PPM1H: variants seen among roughly 807,000 people sequenced by gnomAD.
PPM1H encodes the protein protein phosphatase, Mg2+/Mn2+ dependent 1H.
Under a neutral mutation model 54.9 loss-of-function variants are expected in PPM1H, and 27 were observed. That is an observed-to-expected ratio of 0.49 (90% confidence interval 0.36 to 0.68). The LOEUF (loss-of-function observed/expected upper bound fraction) is 0.68, where lower values mean the gene tolerates loss of function less well. PPM1H is among the 30% of genes least tolerant of loss of function. PPM1H has a pLI of 0.00. For missense variants in PPM1H, 596 were observed against 667.8 expected (o/e 0.89, Z 1.19); for synonymous variants, 305 against 270.8 (o/e 1.13, Z -1.24).
At chr12:62,689,236 TG>T (rs1388307517) in intron 8 of PPM1H, among the ~76,000 whole-genome samples, 1 of 152,166 alleles carries the variant, frequency 6.6e-6, no homozygotes, top group African/African-American at 2.4e-5. Context: ...TAAGCAAATA[TG>T]GGAAACCTAA....
chr12:62,708,955 C>T (rs78766847), intron 6 of PPM1H, among the ~76,000 whole-genome samples: 1,524 of 152,160 alleles, frequency 0.01, 17 homozygotes, highest in Non-Finnish European at 0.015. Context: ...AATTTTCATA[C>T]GTCATATTCC....
chr12:62,799,107 T>C (rs2076751604), intron 3 of PPM1H, among the ~76,000 whole-genome samples: 1 of 152,206 alleles, frequency 6.6e-6, no homozygotes, highest in Non-Finnish European at 1.5e-5. Context: ...AAGCAAACAA[T>C]TGTTGTTTTT....
chr12:62,783,935 A>G (rs956470449), intron 4 of PPM1H, among the ~76,000 whole-genome samples: 3 of 152,254 alleles, frequency 2.0e-5, no homozygotes, highest in Non-Finnish European at 4.4e-5. Context: ...TAAACTGAAG[A>G]ATCAGTCAGA....
At chr12:62,717,400 T>C (rs2076241056) in intron 6 of PPM1H, among the ~76,000 whole-genome samples, 1 of 151,524 alleles carries the variant, frequency 6.6e-6, no homozygotes, top group African/African-American at 2.4e-5. Flanking sequence ...TTCTATACAA[T>C]TAAAAATAGC....
intron 1 of PPM1H, among the ~76,000 whole-genome samples, chr12:62,884,280 A>G (rs1267352102): frequency 6.6e-6 from 1 of 151,866 alleles, no homozygotes; most frequent in Admixed American, 6.6e-5. Flanking sequence ...TGAGGTCAAG[A>G]GTTCGAGACC....
chr12:62,870,262 C>A (rs947122445), intron 1 of PPM1H, among the ~76,000 whole-genome samples: 1 of 152,086 alleles, frequency 6.6e-6, no homozygotes, highest in Non-Finnish European at 1.5e-5. Context: ...TCGAATTTGA[C>A]GAAATTGTGC....
chr12:62,702,008 A>G (rs1232874629), intron 6 of PPM1H, among the ~76,000 whole-genome samples: 1 of 152,234 alleles, frequency 6.6e-6, no homozygotes, highest in African/African-American at 2.4e-5. Context: ...CACAAGCTAA[A>G]TGGATGAATG....
intron 4 of PPM1H, chr12:62,756,090 G>T: frequency 3.0e-6 from 3 of 991,588 alleles, no homozygotes; most frequent in Non-Finnish European, 4.8e-6. Context: ...TTTTAACAGC[G>T]ACATCCACTC....
At chr12:62,886,476 A>G (rs1870593582) in intron 1 of PPM1H, among the ~76,000 whole-genome samples, 1 of 152,238 alleles carries the variant, frequency 6.6e-6, no homozygotes, top group African/African-American at 2.4e-5. Context: ...AATAAACAGC[A>G]GAAACTGAAC....
At chr12:62,920,485 G>GT (rs35100515) in intron 1 of PPM1H, among the ~76,000 whole-genome samples, 10,668 of 136,606 alleles carry the variant, frequency 0.078, 873 homozygotes, top group East Asian at 0.24. Context: ...CCTGAATGAG[G>GT]TTTTTTTTTT....
intron 2 of PPM1H, among the ~76,000 whole-genome samples, chr12:62,807,907 G>A (rs1025490880): frequency 2.0e-5 from 3 of 152,172 alleles, no homozygotes; most frequent in Non-Finnish European, 4.4e-5. Context: ...GCACAACCAC[G>A]ACTTACTGAA....
At chr12:62,890,614 C>A (rs1870750038) in intron 1 of PPM1H, among the ~76,000 whole-genome samples, 1 of 151,736 alleles carries the variant, frequency 6.6e-6, no homozygotes, top group African/African-American at 2.4e-5. Context: ...CAGCTATTAG[C>A]AACTGAAAAA....
chr12:62,811,480 C>T (rs1270557049), intron 2 of PPM1H, among the ~76,000 whole-genome samples: 2 of 152,186 alleles, frequency 1.3e-5, no homozygotes, highest in South Asian at 2.1e-4. Context: ...CCTGTTGCTT[C>T]TGTTCACCTT....
intron 4 of PPM1H, 110 bp downstream of exon 4, chr12:62,788,116 G>A (rs2076683379): frequency 1.3e-6 from 1 of 752,634 alleles, no homozygotes; most frequent in African/African-American, 1.8e-5. Context: ...TTTTCATTCT[G>A]ATGTAGAAGG....
At chr12:62,870,092 A>C (rs1014976528) in intron 1 of PPM1H, among the ~76,000 whole-genome samples, 19 of 152,194 alleles carry the variant, frequency 1.2e-4, no homozygotes, top group African/African-American at 4.1e-4. Context: ...CAAAAGCAGA[A>C]GGGAGGGTAG....
Position 62,720,272 on chromosome 12 carries a change from G to A in PPM1H, c.972C>T (p.His324=), listed in dbSNP as rs780309179. 1.2e-6 allele frequency: 2 copies of A among 1,612,786 alleles called. No individual in the cohort carries two copies. Among genetic ancestry groups the A allele is most frequent in the South Asian group, 1.1e-5 (1 of 91,050 alleles). The change falls in exon 6 of 10, where the codon CAC becomes CAT. Residue 324 remains histidine (H), a synonymous_variant. Transcript: ENST00000228705. ...RLQYLAFMQP[H]LLGNEFTHLE... ...AATGTGTGAACTCATTTCCCAGCAA[G>A]TGAGGCTGCATGAATGCCTAATAGC...
At chr12:62,865,703 G>T (rs1869750800) in intron 1 of PPM1H, among the ~76,000 whole-genome samples, 2 of 151,958 alleles carry the variant, frequency 1.3e-5, no homozygotes, top group South Asian at 2.1e-4. Context: ...TTGCCATGTT[G>T]CCCAGGCTGG....
chr12:62,900,242 C>G (rs541550053), intron 1 of PPM1H, among the ~76,000 whole-genome samples: 1 of 152,272 alleles, frequency 6.6e-6, no homozygotes, highest in Non-Finnish European at 1.5e-5. Context: ...TCAATTCCCA[C>G]CTATGAGTGA....
intron 1 of PPM1H, among the ~76,000 whole-genome samples, chr12:62,874,514 G>A (rs1010751566): frequency 6.6e-6 from 1 of 151,258 alleles, no homozygotes; most frequent in Non-Finnish European, 1.5e-5. Context: ...TTTTTTAATG[G>A]TTAGCTGTCT....
Sources: gnomAD v4.1 joint callset for allele counts (sites outside exome capture counted in the v4.1 genomes callset) on GRCh38, gnomAD v4.1.1 for gene constraint, MANE v1.5 for transcripts, NCBI Gene and HGNC (gene_info 2026-07-23, HGNC 2026-07-21) for gene names.